Variants in ASAH1 observed in about 807,000 individuals in gnomAD.
The protein encoded by ASAH1 is N-acylsphingosine amidohydrolase 1, also known as acid ceramidase.
In ASAH1, 70 loss-of-function variants were observed where a neutral mutation model predicts 59.5. The ratio of observed to expected loss-of-function variants is 1.18; its 90% confidence interval spans 0.97 to 1.43. The LOEUF (loss-of-function observed/expected upper bound fraction) is 1.43, where lower values mean the gene tolerates loss of function less well. ASAH1 is among the 40% of genes most tolerant of loss of function. ASAH1 has a pLI of 0.00. For missense variants in ASAH1, 660 were observed against 482.5 expected, an observed-to-expected ratio of 1.37 and a Z score of -3.45; for synonymous variants, 213 against 166.5, an observed-to-expected ratio of 1.28 and a Z score of -2.15.
Position 18,056,785 on chromosome 8 carries a change from A to C in ASAH1, c.*749T>G, listed in dbSNP as rs1799486324. ...AGTCTTTGACTTGTTTATTTACTAAATTAACAGAACGTGGGATGCAGTTTT... is the reference window on the plus strand; with the variant it reads ...AGTCTTTGACTTGTTTATTTACTAACTTAACAGAACGTGGGATGCAGTTTT... On this transcript the variant is annotated 3_prime_UTR_variant, in exon 14 of 14. Transcript: ENST00000637790. The C allele has an allele frequency of 6.6e-6, 1 of 151,852 alleles. No individual in the cohort carries two copies. Among genetic ancestry groups the C allele is most frequent in the African/African-American group, 2.4e-5 (1 of 41,226 alleles). The allele number at this position is 151,852 out of a possible 1,614,324, so 9.4% of individuals were successfully genotyped here. A position where few individuals can be genotyped will look rare whatever the true frequency, so the allele number is the denominator to read the frequency against.
upstream of ASAH1, chr8:18,084,759 G>A (rs371334563): frequency 3.1e-6 from 5 of 1,613,604 alleles, no homozygotes; most frequent in African/African-American, 6.7e-5. Flanking sequence ...GAGGCCCGGT[G>A]GGACCCGCGA....
In ASAH1 at chr8:18,084,078, A is replaced by G; in HGVS notation, c.-20T>C. 1 of 1,597,820 alleles carries G rather than the reference A, an allele frequency of 6.3e-7. No individual in the cohort carries two copies. The highest frequency in any genetic ancestry group is 8.5e-7 in the Non-Finnish European group (1 of 1,179,542). ...CGGCATCGCTCTAGCAGCCAACGCC[A>G]CTCCCCGGACTCCAGCAGAGGCAAA... On this transcript the variant is annotated 5_prime_UTR_variant, in exon 1 of 14. Transcript: ENST00000637790.
chr8:18,084,544 C>T (rs2117110427), upstream of ASAH1: 1 of 1,490,138 alleles, frequency 6.7e-7, no homozygotes, highest in Non-Finnish European at 9.1e-7. Context: ...TCTTTGCCCT[C>T]TGAGAAAAGC....
At position 18,075,413 on chromosome 8, in the gene ASAH1, C is replaced by T. The variant is rs148261069; in HGVS notation, c.125+128G>A. 3.6e-4 allele frequency: 369 copies of T among 1,018,934 alleles called. 1 individual carries two copies. The African/African-American group carries it at 4.8e-3, about 13-fold the overall frequency. The allele number at this position is 1,018,934 out of a possible 1,614,324, so 63.1% of individuals were successfully genotyped here. ...ATAATAAACAAATCTGAGAAACAAA[C>T]CTCTGTCTCGGAATGGGAAACATGA... On this transcript the variant is annotated intron_variant, in intron 2 of 13. Coordinates refer to ENST00000637790, the MANE Select transcript of ASAH1 (RefSeq NM_177924.5).
intron 4 of ASAH1, among the ~76,000 whole-genome samples, chr8:18,068,968 C>T (rs796554353): frequency 9.9e-5 from 15 of 152,096 alleles, no homozygotes; most frequent in African/African-American, 2.7e-4. Flanking sequence ...AGCAAGCCTC[C>T]GTCTCTACTA....
chr8:18,080,168 G>A (rs936826738), intron 1 of ASAH1, among the ~76,000 whole-genome samples: 3 of 152,318 alleles, frequency 2.0e-5, no homozygotes, highest in Non-Finnish European at 2.9e-5. Flanking sequence ...TGGCAACTGC[G>A]TGAAAATCAT....
rs1402675018 is a variant in ASAH1 at position 18,079,489 on chromosome 8, G to A, written c.79-3902C>T. On this transcript the variant is annotated intron_variant, in intron 1 of 13. Coordinates refer to ENST00000637790, the MANE Select transcript of ASAH1 (RefSeq NM_177924.5). ...AGAACATTAAGGTCTCAATGAAAGCGCCATACCCTTAAAAAATGGCATAAC... is the reference window on the plus strand; with the variant it reads ...AGAACATTAAGGTCTCAATGAAAGCACCATACCCTTAAAAAATGGCATAAC... Among the ~76,000 whole-genome samples, 3 of 150,364 alleles carry A rather than the reference G, an allele frequency of 2.0e-5. 1 individual carries two copies. The highest frequency in any genetic ancestry group is 1.3e-4 in the Admixed American group (2 of 15,130).
At chr8:18,057,776 T>C in intron 13 of ASAH1, 153 bp from the exon 14 acceptor site, 1 of 265,946 alleles carries the variant, frequency 3.8e-6, no homozygotes, top group Non-Finnish European at 7.0e-6. Flanking sequence ...ATATAATGTA[T>C]ATATTTATAT....
At chr8:18,067,159 A>G in intron 5 of ASAH1, 61 bp downstream of exon 5, 1 of 945,052 alleles carries the variant, frequency 1.1e-6, no homozygotes, top group Non-Finnish European at 1.6e-6. Flanking sequence ...ATCACACCTC[A>G]ATGGAAACTT....
At chr8:18,070,906 A>C (rs1800142548) in intron 3 of ASAH1, among the ~76,000 whole-genome samples, 1 of 152,168 alleles carries the variant, frequency 6.6e-6, no homozygotes, top group Non-Finnish European at 1.5e-5. Flanking sequence ...GGGAAAATAA[A>C]TAAATAAAAT....
chr8:18,073,233 CATAAGA>C, intron 2 of ASAH1: 2 of 1,562,824 alleles, frequency 1.3e-6, no homozygotes, highest in South Asian at 2.3e-5. Context: ...TCCATTTCCC[CATAAGA>C]ATAAAAGAGT....
In ASAH1 at chr8:18,059,280, C is replaced by G. The variant is rs538378256; in HGVS notation, c.1041+61G>C. 179 of 1,611,910 alleles carry G rather than the reference C, an allele frequency of 1.1e-4. No homozygotes were observed. The African/African-American group carries it at 1.5e-3, about 13-fold the overall frequency. ...TTACTTGAAGGCCAAAGAAAAATGC[C>G]AGAACCAAGGGAATCTTTAATGGCA... On this transcript the variant is annotated intron_variant, in intron 12 of 13. Coordinates refer to ENST00000637790, the MANE Select transcript of ASAH1 (RefSeq NM_177924.5).
upstream of ASAH1, chr8:18,084,108 A>G (rs1172601769): frequency 5.6e-6 from 9 of 1,593,026 alleles, no homozygotes; most frequent in Admixed American, 3.4e-5. Flanking sequence ...GGCAAAGAAG[A>G]GCCGGCTGGG....
In ASAH1 at chr8:18,058,820, T is replaced by C. The variant is rs1213378323; in HGVS notation, c.1098+15A>G. Reference sequence around the variant, plus strand: ...TTTCCCTAAAAGGCAAATATACATATAACATTTAAAATACCTTGTTGAGGA... The same window carrying C: ...TTTCCCTAAAAGGCAAATATACATACAACATTTAAAATACCTTGTTGAGGA... On this transcript the variant is annotated intron_variant, in intron 13 of 13. Coordinates refer to ENST00000637790, the MANE Select transcript of ASAH1 (RefSeq NM_177924.5). 3 of 1,599,752 alleles carry C rather than the reference T, an allele frequency of 1.9e-6. No individual in the cohort carries two copies. Among genetic ancestry groups the C allele is most frequent in the Non-Finnish European group, 2.6e-6 (3 of 1,166,958 alleles).
intron 6 of ASAH1, 48 bp downstream of exon 6, chr8:18,064,409 C>A (rs780540286): frequency 7.3e-7 from 1 of 1,376,076 alleles, no homozygotes; most frequent in South Asian, 1.2e-5. Flanking sequence ...GAAGATTTTT[C>A]TTTATGTAGT....
chr8:18,071,556 T>G (rs993890168), intron 2 of ASAH1, 166 bp from the exon 3 acceptor site: 1 of 590,808 alleles, frequency 1.7e-6, no homozygotes, highest in Admixed American at 2.3e-5. Context: ...CTAGTGCTTC[T>G]AGGTTGAGAA....
At chr8:18,063,293 A>T in intron 6 of ASAH1, 63 bp from the exon 7 acceptor site, 1 of 1,412,054 alleles carries the variant, frequency 7.1e-7, no homozygotes, top group Non-Finnish European at 1.0e-6. Flanking sequence ...AAAGCTGGAC[A>T]ATTAATTTTG....
At chr8:18,073,400 A>C (rs908188144) in intron 2 of ASAH1, 10 of 1,023,148 alleles carry the variant, frequency 9.8e-6, no homozygotes, top group Non-Finnish European at 1.4e-5. Context: ...CATTTTTGAG[A>C]CTTAGTGTTT....
intron 1 of ASAH1, among the ~76,000 whole-genome samples, chr8:18,080,695 C>G (rs911284665): frequency 1.3e-5 from 2 of 152,114 alleles, no homozygotes; most frequent in African/African-American, 4.8e-5. Flanking sequence ...GTAGCTGGGA[C>G]TACAGGCGTG....
Sources: gnomAD v4.1 joint callset for allele counts (sites outside exome capture counted in the v4.1 genomes callset) on GRCh38, gnomAD v4.1.1 for gene constraint, MANE v1.5 for transcripts, NCBI Gene and HGNC (gene_info 2026-07-23, HGNC 2026-07-21) for gene names.